Variants in GRM4 observed in about 807,000 individuals in gnomAD.
The protein encoded by GRM4 is metabotropic glutamate receptor 4.
A neutral mutation model predicts 81.7 loss-of-function variants in GRM4; 28 were observed. The observed-to-expected ratio is 0.34, with a 90% CI of 0.25 to 0.47. The LOEUF (loss-of-function observed/expected upper bound fraction) is 0.47, where lower values mean the gene tolerates loss of function less well. Among genes scored for constraint, GRM4 ranks in the 20% least tolerant of loss-of-function variants. The probability of loss-of-function intolerance (pLI) is 1.00; values close to 1 mark genes in which losing one functional copy is unlikely to be tolerated. For synonymous variants in GRM4, 488 were observed against 528.8 expected (o/e 0.92, Z 1.06); for missense variants, 948 against 1,290.0 (o/e 0.73, Z 4.06).
chr6:34,142,775 C>A (rs1040913127), intron 1 of GRM4, among the ~76,000 whole-genome samples: 1 of 152,232 alleles, frequency 6.6e-6, no homozygotes, highest in Non-Finnish European at 1.5e-5. Flanking sequence ...AGAAGTCACG[C>A]CTCCAACGGA....
Position 34,036,110 on chromosome 6 carries a change from T to A in GRM4, c.2000A>T (p.Tyr667Phe). 6.2e-7 allele frequency: 1 copy of A among 1,614,176 alleles called. No homozygotes were observed. The highest frequency in any genetic ancestry group is 1.1e-5 in the South Asian group (1 of 91,086). Residue 667 changes from tyrosine (Y) to phenylalanine (F), a missense_variant, in exon 9 of 11, where the codon TAT becomes TTT. By Grantham distance (22) the Tyr-to-Phe change is conservative (BLOSUM62 3). Coordinates refer to ENST00000538487, the MANE Select transcript of GRM4 (RefSeq NM_000841.4). The surrounding 1 kb of genome is among the most constrained non-coding windows in gnomAD (Gnocchi z 9.0). ...GTTGGTCTTGGTGAGCAGGGCTGCA[T>A]AGCTGATGCTCATCCCTAGTCCCAG... Reference protein sequence around the residue: ...IFLGLGMSISYAALLTKTNRI... With the variant: ...IFLGLGMSISFAALLTKTNRI...
At chr6:34,095,814 C>T (rs137918618) in intron 2 of GRM4, among the ~76,000 whole-genome samples, 1 of 152,210 alleles carries the variant, frequency 6.6e-6, no homozygotes, top group East Asian at 1.9e-4. Context: ...TCTTGCCCCA[C>T]CCTGGAGTGG....
intron 2 of GRM4, among the ~76,000 whole-genome samples, chr6:34,128,174 C>G (rs1471066367): frequency 1.3e-5 from 2 of 152,178 alleles, no homozygotes; most frequent in African/African-American, 4.8e-5. Context: ...AGAGGCCCAG[C>G]AGATGGTGGG....
chr6:34,045,729 C>T (rs1352316308), intron 6 of GRM4, among the ~76,000 whole-genome samples: 1 of 152,194 alleles, frequency 6.6e-6, no homozygotes, highest in Non-Finnish European at 1.5e-5. Flanking sequence ...AAAATCCCCT[C>T]TCATGGGTGG....
intron 2 of GRM4, among the ~76,000 whole-genome samples, chr6:34,106,399 A>G (rs1483352324): frequency 2.0e-5 from 3 of 150,034 alleles, no homozygotes; most frequent in Non-Finnish European, 3.0e-5. Flanking sequence ...TGGGAGACAG[A>G]GCAAGGCTCA....
At chr6:34,138,707 A>G (rs369075685) in intron 1 of GRM4, among the ~76,000 whole-genome samples, 98 of 152,296 alleles carry the variant, frequency 6.4e-4, no homozygotes, top group Admixed American at 3.1e-3. Flanking sequence ...AAGGTGGATG[A>G]CCAGTTAGCC....
intron 1 of GRM4, among the ~76,000 whole-genome samples, chr6:34,140,309 G>A (rs1770626628): frequency 7.2e-6 from 1 of 138,584 alleles, no homozygotes; most frequent in South Asian, 2.4e-4. Context: ...AACGTGACCA[G>A]GGGGCAGTGG....
chr6:34,155,106 G>A, exon 1 of GRM4: 1 of 1,527,500 alleles, frequency 6.5e-7, no homozygotes, highest in Admixed American at 2.0e-5. Context: ...GGAGGCAGCG[G>A]GGGCGGCGGG....
chr6:34,099,282 T>A (rs1208725102), intron 2 of GRM4, among the ~76,000 whole-genome samples: 1 of 151,846 alleles, frequency 6.6e-6, no homozygotes, highest in Non-Finnish European at 1.5e-5. Context: ...TGAGCAGGGG[T>A]ACAGGTGGTC....
Position 34,096,143 on chromosome 6 carries a change from C to G in GRM4, c.520-4044G>C, listed in dbSNP as rs115154734. Reference sequence around the variant, plus strand: ...TTGAGCACCTACTGTACACTGGACACTGTTCCAGGTGCTGGGGACACAGCA... The same window carrying G: ...TTGAGCACCTACTGTACACTGGACAGTGTTCCAGGTGCTGGGGACACAGCA... On this transcript the variant is annotated intron_variant, in intron 2 of 10. Transcript: ENST00000538487. 5.4e-3 allele frequency among the ~76,000 whole-genome samples: 829 copies of G among 152,312 alleles called. 4 individuals are homozygous for G. Among genetic ancestry groups the G allele is most frequent in the African/African-American group, 0.019 (788 of 41,554 alleles).
At chr6:34,041,504 C>T (rs1765019362) in intron 6 of GRM4, among the ~76,000 whole-genome samples, 1 of 152,184 alleles carries the variant, frequency 6.6e-6, no homozygotes, top group South Asian at 2.1e-4. Context: ...GACCTCCCAT[C>T]CTCCTCCCCT....
intron 3 of GRM4, among the ~76,000 whole-genome samples, chr6:34,079,847 G>C (rs1027095129): frequency 6.6e-6 from 1 of 152,078 alleles, no homozygotes; most frequent in Non-Finnish European, 1.5e-5. Flanking sequence ...CCAGGCCATT[G>C]TCACCTCTTG....
intron 6 of GRM4, among the ~76,000 whole-genome samples, chr6:34,044,549 C>T (rs1194780578): frequency 7.1e-6 from 1 of 141,656 alleles, no homozygotes; most frequent in Non-Finnish European, 1.5e-5. Context: ...CAGACACACA[C>T]ACAAACACAC....
In GRM4 at chr6:34,151,531, C is replaced by A. The variant is rs564412171; in HGVS notation, c.312+3548G>T. Among the ~76,000 whole-genome samples the A allele has an allele frequency of 4.6e-5, 7 of 152,314 alleles. No homozygotes were observed. In the East Asian group the frequency reaches 1.4e-3, roughly 29 times the overall value. On this transcript the variant is annotated intron_variant, in intron 1 of 8. Coordinates refer to the GRM4 transcript ENST00000374177. ...GCCCCTTCCGCCCAAGACCTCGTGG[C>A]CGCCTGCTCCTTCGGCAGAGTGGCA...
rs1766616882 is a variant in GRM4, at chr6:34,068,700, AGCCG to A, written c.737-6676_737-6673del. On this transcript the variant is annotated intron_variant, in intron 3 of 10. Coordinates refer to ENST00000538487, the MANE Select transcript of GRM4 (RefSeq NM_000841.4). The surrounding 1 kb of genome is among the most constrained non-coding windows in gnomAD (Gnocchi z 4.2). ...GAAAGGAAAGGCCTCCCGTAAGAGG[AGCCG>A]GCTTGTGCCCTGCCTCACCCACTCC... Among the ~76,000 whole-genome samples, 1 of 152,194 alleles carries A rather than the reference AGCCG, an allele frequency of 6.6e-6. No homozygotes were observed. Among genetic ancestry groups the A allele is most frequent in the Non-Finnish European group, 1.5e-5 (1 of 68,036 alleles).
chr6:34,049,278 T>C (rs1195386461), intron 6 of GRM4, among the ~76,000 whole-genome samples: 3 of 152,100 alleles, frequency 2.0e-5, no homozygotes, highest in Non-Finnish European at 4.4e-5. Context: ...CTTGTCTCAC[T>C]TGGCCCCTGG....
intron 3 of GRM4, among the ~76,000 whole-genome samples, chr6:34,084,433 G>T (rs1767771199): frequency 1.3e-5 from 2 of 152,186 alleles, no homozygotes; most frequent in South Asian, 2.1e-4. Flanking sequence ...GAGCCTGGGG[G>T]GGAAAACTCC....
intron 2 of GRM4, among the ~76,000 whole-genome samples, chr6:34,105,293 G>A (rs1439814148): frequency 1.3e-5 from 2 of 152,010 alleles, no homozygotes; most frequent in Non-Finnish European, 2.9e-5. Flanking sequence ...TGGGGAAAAG[G>A]GTCCTGACCC....
chr6:34,147,105 CTT>C (rs1196108615), upstream of GRM4, among the ~76,000 whole-genome samples: 4 of 152,248 alleles, frequency 2.6e-5, no homozygotes, highest in Non-Finnish European at 5.9e-5. Flanking sequence ...CTTGCACTCT[CTT>C]TGCTGTCACA....
Sources: gnomAD v4.1 joint callset for allele counts (sites outside exome capture counted in the v4.1 genomes callset) on GRCh38, gnomAD v4.1.1 for gene constraint, Gnocchi (gnomAD v3.1) non-coding constraint, MANE v1.5 for transcripts, NCBI Gene and HGNC (gene_info 2026-07-23, HGNC 2026-07-21) for gene names.